The following IFT80 variants were observed in gnomAD, a reference collection of about 807,000 sequenced individuals.
IFT80 encodes intraflagellar transport protein 80 homolog.
A neutral mutation model predicts 107.9 loss-of-function variants in IFT80; 79 were observed. The ratio of observed to expected loss-of-function variants is 0.73; its 90% confidence interval spans 0.61 to 0.88. The LOEUF is 0.88. IFT80 is among the 40% of genes least tolerant of loss of function. IFT80 has a pLI of 0.00. For missense variants in IFT80, 797 were observed against 914.2 expected (o/e 0.87, Z 1.65); for synonymous variants, 299 against 300.9 (o/e 0.99, Z 0.07).
At chr3:160,304,013 T>C (rs1716638268) in intron 10 of IFT80, 24 bp from the exon 11 acceptor site, 1 of 1,410,270 alleles carries the variant, frequency 7.1e-7, no homozygotes, top group Non-Finnish European at 1.0e-6. Flanking sequence ...AAAATGGATA[T>C]TTATTAACAT....
rs572042576 is a variant in IFT80, at chr3:160,372,572, T to C, written c.439+3240A>G. 2.0e-5 allele frequency among the ~76,000 whole-genome samples: 3 copies of C among 152,318 alleles called. No homozygotes were observed. The East Asian group carries it at 5.8e-4, about 29-fold the overall frequency. On this transcript the variant is annotated intron_variant, in intron 5 of 19. Coordinates refer to ENST00000326448, the MANE Select transcript of IFT80 (RefSeq NM_020800.3). ...AAACACTCAAAAATCAGATGCATAG[T>C]TCTACAGTAAGTTTGTAATTCTTAG...
chr3:160,271,115 G>A (rs894661839), intron 18 of IFT80, among the ~76,000 whole-genome samples: 1 of 152,044 alleles, frequency 6.6e-6, no homozygotes, highest in Non-Finnish European at 1.5e-5. Context: ...GAATAGCAAT[G>A]GCTAAGGGTA....
At chr3:160,295,491 C>A (rs1715903805) in intron 12 of IFT80, among the ~76,000 whole-genome samples, 1 of 151,940 alleles carries the variant, frequency 6.6e-6, no homozygotes, top group South Asian at 2.1e-4. Context: ...TGCCTGTAGC[C>A]CAGATACTTG....
chr3:160,319,291 T>C (rs1718033322), intron 9 of IFT80, among the ~76,000 whole-genome samples: 2 of 152,044 alleles, frequency 1.3e-5, no homozygotes, highest in Admixed American at 1.3e-4. Flanking sequence ...GAACTTCCTA[T>C]ACCATTTTCC....
At chr3:160,334,510 A>G (rs1205052750) in intron 8 of IFT80, among the ~76,000 whole-genome samples, 3 of 149,670 alleles carry the variant, frequency 2.0e-5, no homozygotes, top group African/African-American at 7.4e-5. Flanking sequence ...TCCGCCTCCC[A>G]GGTTCAAGCA....
At chr3:160,397,878 T>C (rs1326131089) in intron 1 of IFT80, among the ~76,000 whole-genome samples, 3 of 152,074 alleles carry the variant, frequency 2.0e-5, no homozygotes, top group African/African-American at 7.2e-5. Flanking sequence ...TGCGCCACCA[T>C]GCCCTGCTAA....
chr3:160,321,976 G>C (rs1718255146), intron 8 of IFT80, among the ~76,000 whole-genome samples: 1 of 151,438 alleles, frequency 6.6e-6, no homozygotes, highest in Non-Finnish European at 1.5e-5. Flanking sequence ...AAGGAGATCT[G>C]ACAGTAGAAA....
chr3:160,392,681 T>A (rs1362419684), intron 1 of IFT80, among the ~76,000 whole-genome samples: 1 of 152,210 alleles, frequency 6.6e-6, no homozygotes, highest in Non-Finnish European at 1.5e-5. Context: ...CAAGATGCCA[T>A]CTTCTCTTAA....
chr3:160,379,442 A>C (rs1712295213), intron 3 of IFT80, among the ~76,000 whole-genome samples: 1 of 152,238 alleles, frequency 6.6e-6, no homozygotes, highest in Non-Finnish European at 1.5e-5. Context: ...ATTTTTATCA[A>C]CAAATTGTGG....
chr3:160,265,490 T>C (rs1335118326), intron 19 of IFT80, among the ~76,000 whole-genome samples: 2 of 152,232 alleles, frequency 1.3e-5, no homozygotes, highest in Admixed American at 6.5e-5. Flanking sequence ...GTGCAGAGTA[T>C]ATATTTAATA....
At chr3:160,375,746 G>A in intron 5 of IFT80, 66 bp downstream of exon 5, 1 of 1,096,066 alleles carries the variant, frequency 9.1e-7, no homozygotes, top group South Asian at 1.3e-5. Flanking sequence ...GTTTCTAAAG[G>A]AAAACTTTAA....
At chr3:160,340,991 A>T (rs1194485888) in intron 8 of IFT80, among the ~76,000 whole-genome samples, 2 of 151,232 alleles carry the variant, frequency 1.3e-5, no homozygotes, top group Admixed American at 1.3e-4. Flanking sequence ...ATGAGCATAA[A>T]CACATAAAAT....
rs142020228 is a variant in IFT80 at position 160,259,366 on chromosome 3, T to C, written c.2224-731A>G. On this transcript the variant is annotated intron_variant, in intron 19 of 19. Transcript: ENST00000326448. ...AGGAAAAAGTGGACCGGACTCTGGT[T>C]ACCAAGCCATTTTTCAAATAGGCTT... 3.7e-3 allele frequency among the ~76,000 whole-genome samples: 564 copies of C among 152,262 alleles called. 2 individuals are homozygous for C. The highest frequency in any genetic ancestry group is 0.012 in the African/African-American group (496 of 41,534).
chr3:160,330,641 G>T (rs1719026312), intron 8 of IFT80, among the ~76,000 whole-genome samples: 1 of 152,060 alleles, frequency 6.6e-6, no homozygotes, highest in Non-Finnish European at 1.5e-5. Flanking sequence ...GTAGATGTGG[G>T]CTGGGGTCAA....
intron 8 of IFT80, among the ~76,000 whole-genome samples, chr3:160,352,623 T>G (rs1431235555): frequency 6.6e-6 from 1 of 152,146 alleles, no homozygotes; most frequent in East Asian, 1.9e-4. Context: ...TTCTCCATAT[T>G]GCAAATAGTG....
intron 6 of IFT80, among the ~76,000 whole-genome samples, chr3:160,362,053 A>G (rs1721528613): frequency 6.6e-6 from 1 of 152,208 alleles, no homozygotes; most frequent in Admixed American, 6.6e-5. Flanking sequence ...AGATAGAGAC[A>G]CAAAAAACTC....
intron 14 of IFT80, among the ~76,000 whole-genome samples, chr3:160,281,634 G>GCTAGGTGAGTGGGCTCACACATGA (rs1714698424): frequency 6.6e-6 from 1 of 152,208 alleles, no homozygotes; most frequent in African/African-American, 2.4e-5. Flanking sequence ...GATCTCAAGA[G>GCTAGGTGAGTGGGCTCACACATGA]CTAGGTGAGT....
At chr3:160,346,935 C>T (rs1385350946) in intron 8 of IFT80, among the ~76,000 whole-genome samples, 1 of 152,152 alleles carries the variant, frequency 6.6e-6, no homozygotes, top group Non-Finnish European at 1.5e-5. Flanking sequence ...ATGTATGTTA[C>T]ATTCCAGATC....
At chr3:160,285,167 T>C (rs147404685) in intron 13 of IFT80, among the ~76,000 whole-genome samples, 5 of 152,168 alleles carry the variant, frequency 3.3e-5, no homozygotes, top group African/African-American at 9.6e-5. Context: ...GGCGAAACCC[T>C]GTCTCTACCA....
Sources: allele counts gnomAD v4.1 joint callset (sites outside exome capture counted in the v4.1 genomes callset), GRCh38; gene constraint gnomAD v4.1.1; transcripts MANE v1.5; gene names NCBI Gene and HGNC (gene_info 2026-07-23, HGNC 2026-07-21).